The following IQCM variants were observed in gnomAD, a reference collection of about 807,000 sequenced individuals.
IQCM encodes IQ domain-containing protein M.
A neutral mutation model predicts 57.6 loss-of-function variants in IQCM; 45 were observed. The observed-to-expected ratio is 0.78, with a 90% CI of 0.62 to 1.00. IQCM has a LOEUF of 1.00. Among genes scored for constraint, IQCM ranks in the 50% least tolerant of loss-of-function variants. The pLI is 0.00. For missense variants in IQCM, 468 were observed against 511.6 expected, an observed-to-expected ratio of 0.91 and a Z score of 0.82; for synonymous variants, 148 against 158.9, an observed-to-expected ratio of 0.93 and a Z score of 0.51.
intron 7 of IQCM, among the ~76,000 whole-genome samples, chr4:149,661,509 G>T (rs149815244): frequency 1.4e-4 from 21 of 152,208 alleles, no homozygotes; most frequent in African/African-American, 4.8e-4. Flanking sequence ...GTTTATAGAA[G>T]AGTTGAAGGA....
chr4:149,383,416 A>G (rs1296520004), intron 13 of IQCM, among the ~76,000 whole-genome samples: 1 of 152,180 alleles, frequency 6.6e-6, no homozygotes, highest in Admixed American at 6.6e-5. Context: ...TACCACATGA[A>G]TGTGATACTG....
intron 13 of IQCM, among the ~76,000 whole-genome samples, chr4:149,388,336 T>A (rs912605780): frequency 6.6e-6 from 1 of 151,448 alleles, no homozygotes; most frequent in Non-Finnish European, 1.5e-5. Context: ...CATATATTCA[T>A]CATGGATATA....
chr4:149,493,240 C>A (rs1015669312), intron 12 of IQCM, among the ~76,000 whole-genome samples: 1 of 151,712 alleles, frequency 6.6e-6, no homozygotes, highest in Non-Finnish European at 1.5e-5. Flanking sequence ...CTTTAATTTT[C>A]TTTTTTTTCC....
At chr4:149,811,216 G>T (rs1209802540) in intron 2 of IQCM, among the ~76,000 whole-genome samples, 1 of 151,982 alleles carries the variant, frequency 6.6e-6, no homozygotes, top group African/African-American at 2.4e-5. Context: ...TGTACCAAAA[G>T]CACATGAAAA....
chr4:149,363,173 T>A (rs140839019), intron 13 of IQCM, among the ~76,000 whole-genome samples: 86 of 152,306 alleles, frequency 5.6e-4, no homozygotes, highest in African/African-American at 2.0e-3. Context: ...GGTAGAAATG[T>A]CAGGAGAGGG....
chr4:149,646,664 A>G (rs549394517), intron 7 of IQCM, among the ~76,000 whole-genome samples: 7 of 152,126 alleles, frequency 4.6e-5, no homozygotes, highest in Non-Finnish European at 8.8e-5. Flanking sequence ...TTCAACTGGT[A>G]TATTTCGTTC....
chr4:149,607,880 A>T (rs1754935116), intron 8 of IQCM, among the ~76,000 whole-genome samples: 1 of 151,834 alleles, frequency 6.6e-6, no homozygotes, highest in Non-Finnish European at 1.5e-5. Flanking sequence ...GGGAGGGAAA[A>T]AGGAGACAAA....
chr4:149,760,150 G>A (rs1160769875), intron 2 of IQCM, among the ~76,000 whole-genome samples: 2 of 151,950 alleles, frequency 1.3e-5, no homozygotes, highest in African/African-American at 4.8e-5. Context: ...CCAGTTAAAG[G>A]ACAGCAAGGA....
At chr4:149,765,792 T>G (rs1334911823) in intron 2 of IQCM, among the ~76,000 whole-genome samples, 1 of 152,040 alleles carries the variant, frequency 6.6e-6, no homozygotes, top group African/African-American at 2.4e-5. Context: ...TATCTTGGTC[T>G]TTGAGTTATT....
intron 13 of IQCM, among the ~76,000 whole-genome samples, chr4:149,413,275 T>G (rs1268723917): frequency 6.6e-6 from 1 of 152,178 alleles, no homozygotes; most frequent in Non-Finnish European, 1.5e-5. Context: ...AAATCAGCTT[T>G]GCCTGTTAAA....
chr4:149,534,513 TGAACAACATCAGCCAAAAGGATGTTTG>T (rs1747085936), intron 12 of IQCM, among the ~76,000 whole-genome samples: 1 of 152,084 alleles, frequency 6.6e-6, no homozygotes, highest in South Asian at 2.1e-4. Flanking sequence ...TCCAAACCAC[TGAACAACATCAGCCAAAAGGATGTTTG>T]GACCCTCATC....
At chr4:149,797,853 T>C (rs904427150) in intron 2 of IQCM, among the ~76,000 whole-genome samples, 2 of 151,184 alleles carry the variant, frequency 1.3e-5, no homozygotes. Context: ...CCTTTAAACA[T>C]GAAGGAGAAA....
At chr4:149,603,010 AACTACAAATATAGTGTACT>A (rs1278401720) in intron 8 of IQCM, among the ~76,000 whole-genome samples, 8 of 152,144 alleles carry the variant, frequency 5.3e-5, no homozygotes, top group African/African-American at 1.7e-4. Flanking sequence ...ACAATAACTT[AACTACAAATATAGTGTACT>A]ACATTTTGCC....
Position 149,368,657 on chromosome 4 carries a change from C to T in IQCM, c.1391-16591G>A, listed in dbSNP as rs72953661. ...GAATTTGAAATTCCTCATCATATTTCTTTTTTTGAGGCTTTAAGGGGAATG... is the reference window on the plus strand; with the variant it reads ...GAATTTGAAATTCCTCATCATATTTTTTTTTTTGAGGCTTTAAGGGGAATG... On this transcript the variant is annotated intron_variant, in intron 13 of 13. Coordinates refer to ENST00000636793, the MANE Select transcript of IQCM (RefSeq NM_001363507.2). Among the ~76,000 whole-genome samples, 370 of 149,146 alleles carry T rather than the reference C, an allele frequency of 2.5e-3. 3 individuals are homozygous for T. The highest frequency in any genetic ancestry group is 8.4e-3 in the African/African-American group (342 of 40,764).
intron 12 of IQCM, among the ~76,000 whole-genome samples, chr4:149,523,072 G>C (rs748077589): frequency 7.2e-5 from 11 of 152,158 alleles, no homozygotes; most frequent in Admixed American, 6.5e-5. Flanking sequence ...TAAGTATCTA[G>C]TGAGGGAGCA....
intron 12 of IQCM, among the ~76,000 whole-genome samples, chr4:149,445,081 C>T (rs554477625): frequency 6.6e-6 from 1 of 151,894 alleles, no homozygotes; most frequent in South Asian, 2.1e-4. Context: ...TTCCTTTAAC[C>T]CTGAAGCATG....
At chr4:149,428,539 C>T (rs953558983) in intron 13 of IQCM, among the ~76,000 whole-genome samples, 10 of 151,696 alleles carry the variant, frequency 6.6e-5, no homozygotes, top group Admixed American at 5.3e-4. Flanking sequence ...TATTTTGTAG[C>T]TAGTGAATAA....
chr4:149,575,765 T>C (rs1413754664), intron 9 of IQCM, among the ~76,000 whole-genome samples: 1 of 151,922 alleles, frequency 6.6e-6, no homozygotes, highest in African/African-American at 2.4e-5. Flanking sequence ...CCTATGTAGA[T>C]TCCTAGTTAG....
intron 13 of IQCM, among the ~76,000 whole-genome samples, chr4:149,365,097 G>A (rs1298506761): frequency 6.6e-6 from 1 of 152,110 alleles, no homozygotes; most frequent in Non-Finnish European, 1.5e-5. Flanking sequence ...AGCACATCCA[G>A]TTTCTAAATA....
Sources: allele counts gnomAD v4.1 joint callset (sites outside exome capture counted in the v4.1 genomes callset), GRCh38; gene constraint gnomAD v4.1.1; transcripts MANE v1.5; gene names NCBI Gene and HGNC (gene_info 2026-07-23, HGNC 2026-07-21).